Variants in DOP1A observed in about 807,000 individuals in gnomAD.
DOP1A encodes the protein DOP1 leucine zipper like protein A.
DOP1A carries 90 observed loss-of-function variants against 267.6 expected under a neutral mutation model. The observed-to-expected ratio is 0.34, with a 90% CI of 0.28 to 0.40. The LOEUF (loss-of-function observed/expected upper bound fraction) is 0.40. DOP1A is among the 10% of genes least tolerant of loss of function. The probability of loss-of-function intolerance (pLI) is 1.00; values close to 1 mark genes in which losing one functional copy is unlikely to be tolerated. For missense variants in DOP1A, 2,437 were observed against 2,900.4 expected, an observed-to-expected ratio of 0.84 and a Z score of 3.67; for synonymous variants, 932 against 999.1, an observed-to-expected ratio of 0.93 and a Z score of 1.27.
chr6:83,132,087 G>A, intron 17 of DOP1A, 89 bp from the exon 18 acceptor site: 1 of 1,460,336 alleles, frequency 6.8e-7, no homozygotes. Flanking sequence ...GTCTGACAGA[G>A]AGCAGGCATT....
At chr6:83,106,746 G>T (rs1445592286) in intron 4 of DOP1A, among the ~76,000 whole-genome samples, 1 of 151,364 alleles carries the variant, frequency 6.6e-6, no homozygotes, top group African/African-American at 2.4e-5. Context: ...GGAGGTGGAG[G>T]TTGCAGTGAG....
At chr6:83,110,095 C>T (rs1774298222) in intron 5 of DOP1A, 30 bp from the exon 6 acceptor site, 2 of 1,511,214 alleles carry the variant, frequency 1.3e-6, no homozygotes, top group South Asian at 1.4e-5. Flanking sequence ...TAAATGTTTC[C>T]CTTCTTAAAC....
At chr6:83,136,294 C>T (rs1161289205) in intron 20 of DOP1A, among the ~76,000 whole-genome samples, 4 of 152,098 alleles carry the variant, frequency 2.6e-5, no homozygotes, top group Non-Finnish European at 5.9e-5. Flanking sequence ...GCTCAACTTT[C>T]AAGGTTTTAT....
chr6:83,093,048 C>T (rs1001013192), intron 1 of DOP1A, among the ~76,000 whole-genome samples: 1 of 152,130 alleles, frequency 6.6e-6, no homozygotes, highest in Non-Finnish European at 1.5e-5. Context: ...GTGTTTTCCT[C>T]CCCACATAAA....
At chr6:83,112,091 A>G (rs146733057) in intron 6 of DOP1A, among the ~76,000 whole-genome samples, 58 of 152,280 alleles carry the variant, frequency 3.8e-4, no homozygotes, top group African/African-American at 1.3e-3. Flanking sequence ...GAATAACTTA[A>G]TGGAAATTTT....
At chr6:83,149,172 A>G (rs907459161) in intron 27 of DOP1A, among the ~76,000 whole-genome samples, 9 of 152,182 alleles carry the variant, frequency 5.9e-5, no homozygotes, top group African/African-American at 1.9e-4. Flanking sequence ...GTGATGTAGC[A>G]TGGCTGAAGG....
intron 1 of DOP1A, among the ~76,000 whole-genome samples, chr6:83,073,364 A>T (rs1785943245): frequency 6.6e-6 from 1 of 152,124 alleles, no homozygotes; most frequent in Non-Finnish European, 1.5e-5. Context: ...CTGGGATTAC[A>T]GGTGTGAGCC....
chr6:83,145,238 AG>A (rs1780443965), intron 24 of DOP1A, among the ~76,000 whole-genome samples: 1 of 12,390 alleles, frequency 8.1e-5, no homozygotes, highest in Admixed American at 1.7e-3. Context: ...TATATATATA[AG>A]TAAAATTTGC....
At chr6:83,095,800 G>A (rs1414274332) in intron 1 of DOP1A, among the ~76,000 whole-genome samples, 1 of 152,146 alleles carries the variant, frequency 6.6e-6, no homozygotes, top group East Asian at 1.9e-4. Flanking sequence ...GCTTGGCTGA[G>A]GATGGAGGAT....
chr6:83,156,333 A>G (rs770848506), intron 34 of DOP1A, among the ~76,000 whole-genome samples: 1 of 152,164 alleles, frequency 6.6e-6, no homozygotes, highest in Non-Finnish European at 1.5e-5. Flanking sequence ...GTTTAGTTCA[A>G]ATTTCTTAGG....
intron 4 of DOP1A, 53 bp from the exon 5 acceptor site, chr6:83,108,857 A>G (rs1774092824): frequency 6.7e-7 from 1 of 1,483,368 alleles, no homozygotes; most frequent in African/African-American, 1.4e-5. Flanking sequence ...CATATGAATT[A>G]ATATTGTATA....
intron 1 of DOP1A, among the ~76,000 whole-genome samples, chr6:83,082,681 G>C (rs977162613): frequency 3.3e-5 from 5 of 152,132 alleles, no homozygotes; most frequent in African/African-American, 1.2e-4. Flanking sequence ...ACTATTTGAG[G>C]CAATGCATTT....
At chr6:83,143,514 T>TA (rs1208454556) in intron 24 of DOP1A, among the ~76,000 whole-genome samples, 2 of 152,108 alleles carry the variant, frequency 1.3e-5, no homozygotes, top group East Asian at 3.9e-4. Flanking sequence ...ACAGTGCAGA[T>TA]AACAGAAGAA....
chr6:83,166,745 G>T lies in DOP1A; in HGVS notation c.7093-1117G>T. ...GCAATAAGCTTGAGAGCACATAGAA[G>T]AAAATAAGCTGGATTTTGCATCTGC... On this transcript the variant is annotated intron_variant, in intron 38 of 38. Transcript: ENST00000349129. 3.5e-6 allele frequency: 4 copies of T among 1,128,416 alleles called. No individual in the cohort carries two copies. The South Asian group carries it at 1.6e-4, about 44-fold the overall frequency. The allele number at this position is 1,128,416 out of a possible 1,614,324, so 69.9% of individuals were successfully genotyped here.
rs773263693 is a variant in DOP1A at position 83,129,153 on chromosome 6, A to G, written c.1986A>G (p.Ala662=). 8.7e-6 allele frequency: 14 copies of G among 1,613,188 alleles called. No homozygotes were observed. Among genetic ancestry groups the G allele is most frequent in the Non-Finnish European group, 1.1e-5 (13 of 1,179,580 alleles). Residue 662 remains alanine (A), a synonymous_variant, in exon 16 of 39, where the codon GCA becomes GCG. Coordinates refer to ENST00000349129, the MANE Select transcript of DOP1A (RefSeq NM_015018.4). ...CTTCCGTAGTCACTCAGGGGACAGCAACCCGAAGTAGGAAGACAGCCCAAA... is the reference window on the plus strand; with the variant it reads ...CTTCCGTAGTCACTCAGGGGACAGCGACCCGAAGTAGGAAGACAGCCCAAA... The part of the protein sequence containing the change: ...QTPSVVTQGT[A]TRSRKTAQKT...
intron 3 of DOP1A, 83 bp downstream of exon 3, chr6:83,097,198 A>C: frequency 6.9e-7 from 1 of 1,450,114 alleles, no homozygotes; most frequent in Non-Finnish European, 9.3e-7. Context: ...GAAATCTTGA[A>C]GTAAGAATGC....
At chr6:83,156,479 G>A (rs915160555) in intron 34 of DOP1A, among the ~76,000 whole-genome samples, 1 of 152,190 alleles carries the variant, frequency 6.6e-6, no homozygotes, top group East Asian at 1.9e-4. Flanking sequence ...GTGGCTAGAA[G>A]TAACACCTGG....
Position 83,106,107 on chromosome 6 carries a change from C to T in DOP1A, c.321-2803C>T, listed in dbSNP as rs201457992. On this transcript the variant is annotated intron_variant, in intron 4 of 38. Coordinates refer to ENST00000349129, the MANE Select transcript of DOP1A (RefSeq NM_015018.4). ...TTTTTAATTAATGATTTTTTCATCT[C>T]AAGGTTTATGGTTTAACATAATTAA... is the stretch of plus-strand genomic sequence containing the variant. Among the ~76,000 whole-genome samples the T allele has an allele frequency of 3.9e-5, 6 of 152,170 alleles. No individual in the cohort carries two copies. In the East Asian group the frequency reaches 9.7e-4, roughly 25 times the overall value.
intron 4 of DOP1A, among the ~76,000 whole-genome samples, chr6:83,102,948 T>C (rs1188465320): frequency 1.3e-5 from 2 of 152,150 alleles, no homozygotes; most frequent in East Asian, 1.9e-4. Context: ...TCTTTGCTAT[T>C]CTCTTGCCCT....
Sources: gnomAD v4.1 joint callset for allele counts (sites outside exome capture counted in the v4.1 genomes callset) on GRCh38, gnomAD v4.1.1 for gene constraint, MANE v1.5 for transcripts, NCBI Gene and HGNC (gene_info 2026-07-23, HGNC 2026-07-21) for gene names.